The following CLUL1 variants were observed in gnomAD, a reference collection of about 807,000 sequenced individuals.
CLUL1 encodes clusterin like 1.
CLUL1 carries 43 observed loss-of-function variants against 49.4 expected under a neutral mutation model. The ratio of observed to expected loss-of-function variants is 0.87; its 90% confidence interval spans 0.68 to 1.12. CLUL1 has a LOEUF of 1.12. Among genes scored for constraint, CLUL1 ranks in the 50% most tolerant of loss-of-function variants. CLUL1 has a pLI of 0.00. For synonymous variants in CLUL1, 192 were observed against 184.9 expected, an observed-to-expected ratio of 1.04 and a Z score of -0.31; for missense variants, 486 against 544.4, an observed-to-expected ratio of 0.89 and a Z score of 1.07.
chr18:648,063 G>A (rs575120434), intron 9 of CLUL1, among the ~76,000 whole-genome samples: 1 of 152,328 alleles, frequency 6.6e-6, no homozygotes, highest in African/African-American at 2.4e-5. Context: ...AGTAACAGTA[G>A]GCGAAGGTGG....
In CLUL1 at chr18:644,941, C is replaced by A; in HGVS notation, c.1241C>A (p.Ser414Tyr). 3 of 1,612,574 alleles carry A rather than the reference C, an allele frequency of 1.9e-6. No homozygotes were observed. Among genetic ancestry groups the A allele is most frequent in the Non-Finnish European group, 2.5e-6 (3 of 1,179,364 alleles). The change falls in exon 9 of 10, where the codon TCC becomes TAC. Residue 414 changes from serine to tyrosine, a missense_variant. Transcript: ENST00000692774. ...CCAAGGATTCATGAAGGAAATATTT[C>A]CAAACAAGATGAAACAATGATGACA... Reference protein sequence around the residue: ...VVPRIHEGNISKQDETMMTDL... With the variant: ...VVPRIHEGNIYKQDETMMTDL...
intron 2 of CLUL1, among the ~76,000 whole-genome samples, chr18:611,242 T>G (rs984871638): frequency 6.6e-6 from 1 of 151,564 alleles, no homozygotes; most frequent in African/African-American, 2.4e-5. Flanking sequence ...ACCTTTTTTT[T>G]TTTTTTTTTT....
intron 9 of CLUL1, 105 bp downstream of exon 9, chr18:645,202 T>A: frequency 1.2e-6 from 1 of 829,382 alleles, no homozygotes; most frequent in Non-Finnish European, 1.8e-6. Flanking sequence ...ATGTTTAACC[T>A]CATTAATAAA....
intron 8 of CLUL1, among the ~76,000 whole-genome samples, chr18:641,922 T>G (rs1232003590): frequency 6.6e-6 from 1 of 152,150 alleles, no homozygotes; most frequent in Non-Finnish European, 1.5e-5. Context: ...CTGAGTAAGC[T>G]TGGGAAAGTA....
chr18:616,230 A>C (rs1269279694), intron 2 of CLUL1, among the ~76,000 whole-genome samples: 1 of 152,218 alleles, frequency 6.6e-6, no homozygotes, highest in Non-Finnish European at 1.5e-5. Flanking sequence ...TGCATTATGT[A>C]TATGCTAGAC....
At chr18:613,055 C>T (rs956783051) in intron 2 of CLUL1, 2 of 329,398 alleles carry the variant, frequency 6.1e-6, no homozygotes, top group Admixed American at 4.9e-5. Flanking sequence ...TGTATTCAAA[C>T]TAGATCTTTT....
chr18:631,359 AG>A (rs1416135848), intron 6 of CLUL1, among the ~76,000 whole-genome samples: 1 of 129,126 alleles, frequency 7.7e-6, no homozygotes, highest in Admixed American at 7.6e-5. Context: ...GTTCTACTGT[AG>A]CTTGACCCGT....
intron 7 of CLUL1, among the ~76,000 whole-genome samples, chr18:638,212 G>A (rs2074213618): frequency 1.3e-5 from 2 of 152,112 alleles, no homozygotes; most frequent in South Asian, 4.1e-4. Flanking sequence ...CAGAAGCATA[G>A]GTTTTTATAA....
In CLUL1 at chr18:609,283, C is replaced by T. The variant is rs376437892; in HGVS notation, c.-14+2184C>T. Reference sequence around the variant, plus strand: ...TGTAGTTGTCTTTCATTCCTGATTCCGAATTTATACGCTACTGACAAGCAA... The same window carrying T: ...TGTAGTTGTCTTTCATTCCTGATTCTGAATTTATACGCTACTGACAAGCAA... On this transcript the variant is annotated intron_variant, in intron 2 of 9. Coordinates refer to ENST00000692774, the MANE Select transcript of CLUL1 (RefSeq NM_001393344.1). Among the ~76,000 whole-genome samples, 79 of 152,262 alleles carry T rather than the reference C, an allele frequency of 5.2e-4. No homozygotes were observed. The East Asian group carries it at 6.9e-3, about 13-fold the overall frequency.
intron 7 of CLUL1, among the ~76,000 whole-genome samples, chr18:635,820 T>C (rs1025794026): frequency 6.6e-6 from 1 of 152,148 alleles, no homozygotes; most frequent in Non-Finnish European, 1.5e-5. Context: ...CACTGAAACC[T>C]CTACCTCCTG....
In CLUL1 at chr18:633,177, A is replaced by G. The variant is rs550298090; in HGVS notation, c.857-121A>G. ...TCTCAAAAATAAATAAATTAAATAC[A>G]TACATACATATAGGAAAAAGATTTT... On this transcript the variant is annotated intron_variant, in intron 6 of 9. Coordinates refer to ENST00000692774, the MANE Select transcript of CLUL1 (RefSeq NM_001393344.1). 114 of 699,724 alleles carry G rather than the reference A, an allele frequency of 1.6e-4. No individual in the cohort carries two copies. In the Middle Eastern group the frequency reaches 2.7e-3, roughly 17 times the overall value. The allele number at this position is 699,724 out of a possible 1,614,324, so 43.3% of individuals were successfully genotyped here.
chr18:629,125 T>C (rs1338334861), intron 6 of CLUL1, among the ~76,000 whole-genome samples: 1 of 152,200 alleles, frequency 6.6e-6, no homozygotes, highest in Non-Finnish European at 1.5e-5. Flanking sequence ...TCAGGTGCCA[T>C]CGTTCCATGA....
intron 7 of CLUL1, among the ~76,000 whole-genome samples, chr18:635,639 A>C (rs1024649408): frequency 6.6e-6 from 1 of 152,106 alleles, no homozygotes; most frequent in African/African-American, 2.4e-5. Flanking sequence ...ATATCAACGC[A>C]AAGAACAAAA....
At chr18:626,941 AAG>A in intron 5 of CLUL1, among the ~76,000 whole-genome samples, 154 bp from the exon 6 acceptor site, 1 of 1,728 alleles carries the variant, frequency 5.8e-4, no homozygotes, top group African/African-American at 8.5e-4. Context: ...GAAAGAAGGA[AAG>A]AAGGAAGGAA....
intron 6 of CLUL1, among the ~76,000 whole-genome samples, chr18:631,539 A>G (rs1480562489): frequency 1.3e-5 from 2 of 152,142 alleles, no homozygotes; most frequent in Non-Finnish European, 2.9e-5. Flanking sequence ...AGGCTAGACT[A>G]AGCGAGGTGA....
intron 4 of CLUL1, among the ~76,000 whole-genome samples, chr18:622,137 A>C (rs1220074999): frequency 1.3e-5 from 2 of 152,180 alleles, no homozygotes; most frequent in African/African-American, 4.8e-5. Context: ...ATATGGTGTT[A>C]GCAACCCTAG....
In CLUL1 at chr18:606,978, AG is replaced by A; in HGVS notation, c.-134del. 1.6e-6 allele frequency: 1 copy of A among 637,310 alleles called. No homozygotes were observed. The highest frequency in any genetic ancestry group is 2.8e-6 in the Non-Finnish European group (1 of 357,416). 39.5% of individuals were successfully genotyped at this position (637,310 alleles called of 1,614,324 possible). A position where few individuals can be genotyped will look rare whatever the true frequency, so the allele number is the denominator to read the frequency against. ...TTCTTTTTTCTTTTCTTTTCTTTAG[AG>A]TTGCGTCCCTCTCGGTTGCCAGGCT... On this transcript the variant is annotated splice_region_variant and 5_prime_UTR_variant, in exon 2 of 10. The change abolishes the stop of an existing upstream ORF in the 5' untranslated region. Coordinates refer to ENST00000692774, the MANE Select transcript of CLUL1 (RefSeq NM_001393344.1). This position sits in a 1 kb window ranked among gnomAD's most constrained non-coding sequence, Gnocchi z 4.1.
At position 645,810 on chromosome 18, in the gene CLUL1, A is replaced by AATATATAT. The variant is rs35329822; in HGVS notation, c.1397+748_1397+755dup. Among the ~76,000 whole-genome samples, 81 of 29,818 alleles carry AATATATAT rather than the reference A, an allele frequency of 2.7e-3. 2 individuals carry two copies. Among genetic ancestry groups the AATATATAT allele is most frequent in the South Asian group, 4.4e-3 (3 of 678 alleles). The allele number at this position is 29,818 out of a possible 152,430, so 19.6% of individuals were successfully genotyped here. ...CTCTGTTTAAAAAAAAAAAAAAAAAAATATATATATATATATATATATATA... is the reference window on the plus strand; with the variant it reads ...CTCTGTTTAAAAAAAAAAAAAAAAAAATATATATATATATATATATATATATATATATA... On this transcript the variant is annotated intron_variant, in intron 9 of 9. Transcript: ENST00000692774.
chr18:628,926 C>CCCAG lies in CLUL1; in HGVS notation c.856+1405_856+1408dup, dbSNP rs1287764995. ...GGAATTACAAGCATGAGCCACCACA[C>CCCAG]CCAGCCAGCCACCACACCCAGCCAG... On this transcript the variant is annotated intron_variant, in intron 6 of 9. Coordinates refer to ENST00000692774, the MANE Select transcript of CLUL1 (RefSeq NM_001393344.1). Among the ~76,000 whole-genome samples the CCCAG allele has an allele frequency of 2.0e-5, 3 of 148,260 alleles. No homozygotes were observed. In the East Asian group the frequency reaches 5.8e-4, roughly 29 times the overall value.
Sources: allele counts gnomAD v4.1 joint callset (sites outside exome capture counted in the v4.1 genomes callset), GRCh38; gene constraint gnomAD v4.1.1; non-coding constraint Gnocchi (gnomAD v3.1); transcripts MANE v1.5; gene names NCBI Gene and HGNC (gene_info 2026-07-23, HGNC 2026-07-21).